The following DHX32 variants were observed in gnomAD, a reference collection of about 807,000 sequenced individuals.
The protein encoded by DHX32 is DEAH-box helicase 32 (putative), also known as putative pre-mRNA-splicing factor ATP-dependent RNA helicase DHX32.
A neutral mutation model predicts 70.0 loss-of-function variants in DHX32; 51 were observed. That is an observed-to-expected ratio of 0.73 (90% CI 0.58 to 0.92). DHX32 has a LOEUF of 0.92. Ranked by LOEUF, DHX32 falls within the 40% of genes least tolerant of loss-of-function variation. The pLI, the probability that DHX32 is intolerant of heterozygous loss-of-function variation, is 0.00. For synonymous variants in DHX32, 310 were observed against 315.3 expected (o/e 0.98, Z 0.18); for missense variants, 762 against 891.8 (o/e 0.85, Z 1.85).
At chr10:125,846,975 A>C (rs1944030086) in intron 6 of DHX32, among the ~76,000 whole-genome samples, 1 of 152,206 alleles carries the variant, frequency 6.6e-6, no homozygotes. Context: ...ATACACATTT[A>C]TATCAATGGA....
chr10:125,860,120 A>T (rs1450344599), intron 2 of DHX32, 145 bp from the exon 3 acceptor site: 12 of 694,672 alleles, frequency 1.7e-5, no homozygotes, highest in Non-Finnish European at 2.8e-5. Context: ...CTTTAAGTTG[A>T]TACAATCTAC....
chr10:125,874,496 T>G, intron 1 of DHX32, among the ~76,000 whole-genome samples: 1 of 152,214 alleles, frequency 6.6e-6, no homozygotes, highest in Non-Finnish European at 1.5e-5. Context: ...CAATTCTTGC[T>G]CTTGAAGATG....
At chr10:125,894,973 C>T (rs1944429310) in intron 1 of DHX32, among the ~76,000 whole-genome samples, 1 of 152,304 alleles carries the variant, frequency 6.6e-6, no homozygotes, top group Non-Finnish European at 1.5e-5. Flanking sequence ...GTTAAGGTTC[C>T]ATGAAGTGTT....
chr10:125,845,274 T>C (rs1336281387), intron 6 of DHX32, among the ~76,000 whole-genome samples: 1 of 152,218 alleles, frequency 6.6e-6, no homozygotes, highest in African/African-American at 2.4e-5. Flanking sequence ...ACTCAGGTGC[T>C]CAGGAGGCTT....
Position 125,890,228 on chromosome 10 carries a change from T to C in DHX32, c.-248+5990A>G, listed in dbSNP as rs1944362585. Among the ~76,000 whole-genome samples, 5 of 152,422 alleles carry C rather than the reference T, an allele frequency of 3.3e-5. No individual in the cohort carries two copies. In the South Asian group the frequency reaches 1.0e-3, roughly 32 times the overall value. ...CTTTTTTATAGATTTGAAAAACATA[T>C]TTCTAACACAAAGTTACAGTCAAAT... On this transcript the variant is annotated intron_variant, in intron 1 of 2. Transcript: ENST00000415732.
chr10:125,890,939 G>A (rs1341707829), intron 1 of DHX32, among the ~76,000 whole-genome samples: 3 of 151,836 alleles, frequency 2.0e-5, no homozygotes, highest in South Asian at 2.1e-4. Flanking sequence ...TAGAGACCCC[G>A]TCTCTATTAA....
upstream of DHX32, among the ~76,000 whole-genome samples, chr10:125,882,551 A>G (rs1944323550): frequency 6.6e-6 from 1 of 152,236 alleles, no homozygotes; most frequent in Non-Finnish European, 1.5e-5. Context: ...AGAGCAGGAT[A>G]GAAAGTTTTA....
At chr10:125,886,821 C>T (rs1487562007) in intron 1 of DHX32, among the ~76,000 whole-genome samples, 4 of 152,250 alleles carry the variant, frequency 2.6e-5, no homozygotes, top group Admixed American at 6.5e-5. Flanking sequence ...GCATGTATCA[C>T]GCTTGCTCTA....
chr10:125,844,897 ACTC>A (rs1473122625), intron 6 of DHX32, among the ~76,000 whole-genome samples: 1 of 152,040 alleles, frequency 6.6e-6, no homozygotes, highest in African/African-American at 2.4e-5. Context: ...GCAAGGTCAC[ACTC>A]CTCCTCCACT....
intron 3 of DHX32, 32 bp from the exon 4 acceptor site, chr10:125,854,235 A>G (rs1470987716): frequency 6.5e-7 from 1 of 1,545,734 alleles, no homozygotes. Flanking sequence ...AAAATAAAAT[A>G]CAATGCAAAC....
chr10:125,841,265 A>T (rs745491203), intron 7 of DHX32: 2 of 1,614,112 alleles, frequency 1.2e-6, no homozygotes, highest in Non-Finnish European at 1.7e-6. Flanking sequence ...GAGCAGGGAA[A>T]ACCTGAGGTG....
intron 1 of DHX32, among the ~76,000 whole-genome samples, chr10:125,868,459 A>G (rs1303977084): frequency 3.3e-5 from 5 of 152,226 alleles, no homozygotes; most frequent in African/African-American, 1.2e-4. Flanking sequence ...AAAAATAAAC[A>G]TAACTCACCA....
At chr10:125,859,401 T>C (rs1944170938) in intron 3 of DHX32, among the ~76,000 whole-genome samples, 1 of 152,236 alleles carries the variant, frequency 6.6e-6, no homozygotes, top group South Asian at 2.1e-4. Flanking sequence ...TAGAGACTCC[T>C]CACCCATATT....
In DHX32 at chr10:125,838,950, G is replaced by A. The variant is rs375640413; in HGVS notation, c.1881+51C>T. On this transcript the variant is annotated intron_variant, in intron 9 of 10. Coordinates refer to ENST00000284690, the MANE Select transcript of DHX32 (RefSeq NM_018180.3). ...AGCCATTGTTGGCAGCATATCCTGA[G>A]TATGTGCAATTCAGCAGAGCCTATG... 47 of 1,547,114 alleles carry A rather than the reference G, an allele frequency of 3.0e-5. No individual in the cohort carries two copies. The Admixed American group carries it at 8.1e-4, about 27-fold the overall frequency.
At chr10:125,842,279 G>A (rs1339769762) in intron 6 of DHX32, 2 of 237,762 alleles carry the variant, frequency 8.4e-6, no homozygotes, top group East Asian at 2.5e-4. Flanking sequence ...TCACAGTACT[G>A]GAGAGAGACA....
At chr10:125,889,521 T>C (rs1944357851) in intron 1 of DHX32, among the ~76,000 whole-genome samples, 1 of 152,292 alleles carries the variant, frequency 6.6e-6, no homozygotes, top group Non-Finnish European at 1.5e-5. Flanking sequence ...TGCACCAGAA[T>C]GTAAATCAAC....
chr10:125,846,735 T>A (rs776439899), intron 6 of DHX32, among the ~76,000 whole-genome samples: 13 of 152,204 alleles, frequency 8.5e-5, no homozygotes, highest in Non-Finnish European at 1.8e-4. Flanking sequence ...ACATTATCAC[T>A]ACTAACCCCA....
At chr10:125,848,803 C>T (rs1248610360) in intron 6 of DHX32, among the ~76,000 whole-genome samples, 1 of 152,118 alleles carries the variant, frequency 6.6e-6, no homozygotes, top group East Asian at 1.9e-4. Flanking sequence ...TTACTATACA[C>T]CAGTCACTTT....
chr10:125,861,672 A>G (rs1408176223), intron 2 of DHX32, among the ~76,000 whole-genome samples: 2 of 152,166 alleles, frequency 1.3e-5, no homozygotes, highest in Admixed American at 6.5e-5. Flanking sequence ...GTAGGGCACC[A>G]TTTCACGAGC....
Sources: gnomAD v4.1 joint callset for allele counts (sites outside exome capture counted in the v4.1 genomes callset) on GRCh38, gnomAD v4.1.1 for gene constraint, MANE v1.5 for transcripts, NCBI Gene and HGNC (gene_info 2026-07-23, HGNC 2026-07-21) for gene names.